Variants in FAT3 observed in about 807,000 individuals in gnomAD.
FAT3 encodes the protein FAT atypical cadherin 3.
In FAT3, 95 loss-of-function variants were observed where a neutral mutation model predicts 310.2. That is an observed-to-expected ratio of 0.31 (90% CI 0.26 to 0.36). The LOEUF (loss-of-function observed/expected upper bound fraction) is 0.36, where lower values mean the gene tolerates loss of function less well. FAT3 is among the 10% of genes least tolerant of loss of function. The pLI is 1.00. For synonymous variants in FAT3, 2,314 were observed against 2,192.9 expected (o/e 1.06, Z -1.54); for missense variants, 5,408 against 5,715.6 (o/e 0.95, Z 1.74).
At chr11:92,777,989 C>A (rs1295823777) in intron 7 of FAT3, among the ~76,000 whole-genome samples, 4 of 151,796 alleles carry the variant, frequency 2.6e-5, no homozygotes, top group Non-Finnish European at 4.4e-5. Flanking sequence ...ACATCAGAGC[C>A]CTGTCTCTGA....
intron 2 of FAT3, among the ~76,000 whole-genome samples, chr11:92,508,206 A>G (rs530544577): frequency 1.3e-5 from 2 of 152,128 alleles, no homozygotes; most frequent in South Asian, 4.2e-4. Flanking sequence ...AAATTTTGCT[A>G]TTTTGGTCAA....
At chr11:92,762,493 C>T (rs755747745) in intron 5 of FAT3, among the ~76,000 whole-genome samples, 16 of 152,064 alleles carry the variant, frequency 1.1e-4, no homozygotes, top group African/African-American at 3.4e-4. Flanking sequence ...TGCAAACTAG[C>T]GGTAGGGGAA....
chr11:92,480,253 A>C (rs941243454), intron 2 of FAT3, among the ~76,000 whole-genome samples: 1 of 152,140 alleles, frequency 6.6e-6, no homozygotes, highest in African/African-American at 2.4e-5. Context: ...CGACAGAGTG[A>C]GACTCTGTCT....
chr11:92,278,486 A>G (rs1275443994), intron 1 of FAT3, among the ~76,000 whole-genome samples: 1 of 151,994 alleles, frequency 6.6e-6, no homozygotes. Flanking sequence ...TTTGGATTGT[A>G]TTTTTTGGTG....
At chr11:92,251,886 G>A (rs779080852) in intron 1 of FAT3, among the ~76,000 whole-genome samples, 6 of 152,102 alleles carry the variant, frequency 3.9e-5, no homozygotes, top group African/African-American at 1.4e-4. Flanking sequence ...GTAAGTTACC[G>A]ATGATCCAGA....
chr11:92,608,114 G>A (rs903847882), intron 3 of FAT3, among the ~76,000 whole-genome samples: 1 of 152,126 alleles, frequency 6.6e-6, no homozygotes, highest in African/African-American at 2.4e-5. Flanking sequence ...GGAACCATAA[G>A]ATTATGATAC....
In FAT3 at chr11:92,707,108, A is replaced by T. The variant is rs939592715; in HGVS notation, c.3669+9663A>T. ...GTCTGGAATAAGTCTTTGATTCCATAAATAGCCACCTCTAATTTACCTGTT... is the reference window on the plus strand; with the variant it reads ...GTCTGGAATAAGTCTTTGATTCCATTAATAGCCACCTCTAATTTACCTGTT... On this transcript the variant is annotated intron_variant, in intron 4 of 27. Coordinates refer to ENST00000525166, the MANE Select transcript of FAT3 (RefSeq NM_001367949.2). Among the ~76,000 whole-genome samples, 64 of 152,214 alleles carry T rather than the reference A, an allele frequency of 4.2e-4. 4 individuals carry two copies. Among genetic ancestry groups the T allele is most frequent in the Non-Finnish European group, 7.3e-5 (5 of 68,038 alleles).
chr11:92,499,316 A>G (rs908745923), intron 2 of FAT3, among the ~76,000 whole-genome samples: 4 of 152,220 alleles, frequency 2.6e-5, no homozygotes, highest in Admixed American at 2.0e-4. Context: ...GGGCTGGCCC[A>G]ATTGTCTAAG....
At chr11:92,862,213 G>A (rs1268653951) in intron 21 of FAT3, among the ~76,000 whole-genome samples, 2 of 152,202 alleles carry the variant, frequency 1.3e-5, no homozygotes, top group Non-Finnish European at 2.9e-5. Context: ...CTTCAGTAGA[G>A]CCCAAACCAT....
intron 19 of FAT3, among the ~76,000 whole-genome samples, chr11:92,846,871 C>T (rs1035043901): frequency 2.0e-5 from 3 of 152,214 alleles, no homozygotes; most frequent in Non-Finnish European, 4.4e-5. Flanking sequence ...TATAATTAAG[C>T]TATAAAATGA....
At chr11:92,505,401 C>A (rs1396596542) in intron 2 of FAT3, among the ~76,000 whole-genome samples, 1 of 152,098 alleles carries the variant, frequency 6.6e-6, no homozygotes, top group African/African-American at 2.4e-5. Context: ...TTTCCCTGGT[C>A]TGAGAGTCTG....
intron 2 of FAT3, among the ~76,000 whole-genome samples, chr11:92,356,289 G>A (rs1591162472): frequency 1.3e-5 from 2 of 152,118 alleles, no homozygotes; most frequent in East Asian, 1.9e-4. Context: ...TCTCAAGTGA[G>A]GGCCTGTGTC....
At chr11:92,283,845 T>G (rs1299372749) in intron 1 of FAT3, among the ~76,000 whole-genome samples, 1 of 152,122 alleles carries the variant, frequency 6.6e-6, no homozygotes, top group Non-Finnish European at 1.5e-5. Flanking sequence ...GACATTGACC[T>G]ACCCTTCAAA....
intron 2 of FAT3, among the ~76,000 whole-genome samples, chr11:92,493,067 A>G (rs1033727118): frequency 6.6e-6 from 1 of 152,074 alleles, no homozygotes; most frequent in African/African-American, 2.4e-5. Flanking sequence ...TCTCAAGGTG[A>G]AATTTATTTT....
chr11:92,681,107 T>A (rs1943469820), intron 3 of FAT3, among the ~76,000 whole-genome samples: 1 of 152,252 alleles, frequency 6.6e-6, no homozygotes, highest in Admixed American at 6.5e-5. Context: ...GGGCCTAGTA[T>A]GTGCCACAGC....
At chr11:92,765,220 A>C in intron 6 of FAT3, 131 bp downstream of exon 6, 1 of 808,888 alleles carries the variant, frequency 1.2e-6, no homozygotes, top group Admixed American at 3.1e-5. Context: ...ATAGTGCTGG[A>C]ATGCAAAAGA....
chr11:92,313,762 G>T (rs1337492094), intron 1 of FAT3, among the ~76,000 whole-genome samples: 3 of 152,216 alleles, frequency 2.0e-5, no homozygotes, highest in Non-Finnish European at 4.4e-5. Flanking sequence ...GTTTCACCAT[G>T]TTGGTCAGGC....
chr11:92,414,683 AAC>A (rs1443587721), intron 2 of FAT3, among the ~76,000 whole-genome samples: 1 of 152,218 alleles, frequency 6.6e-6, no homozygotes, highest in African/African-American at 2.4e-5. Flanking sequence ...AGCAGAACAA[AAC>A]ACACTACCCT....
At chr11:92,612,258 C>T (rs1940599768) in intron 3 of FAT3, among the ~76,000 whole-genome samples, 1 of 152,208 alleles carries the variant, frequency 6.6e-6, no homozygotes, top group Non-Finnish European at 1.5e-5. Context: ...GGTCACTTTT[C>T]TCTCCACCTC....
Sources: allele counts gnomAD v4.1 joint callset (sites outside exome capture counted in the v4.1 genomes callset), GRCh38; gene constraint gnomAD v4.1.1; transcripts MANE v1.5; gene names NCBI Gene and HGNC (gene_info 2026-07-23, HGNC 2026-07-21).